CCSER1: variants seen among roughly 807,000 people sequenced by gnomAD.
The protein encoded by CCSER1 is serine-rich coiled-coil domain-containing protein 1.
Under a neutral mutation model 82.0 loss-of-function variants are expected in CCSER1, and 41 were observed. That is an observed-to-expected ratio of 0.50 (90% confidence interval 0.39 to 0.65). The LOEUF is 0.65. CCSER1 is among the 30% of genes least tolerant of loss of function. CCSER1 has a pLI of 0.00. For missense variants in CCSER1, 1,119 were observed against 1,064.2 expected, an observed-to-expected ratio of 1.05 and a Z score of -0.72; for synonymous variants, 414 against 383.9, an observed-to-expected ratio of 1.08 and a Z score of -0.92.
chr4:90,720,361 T>G (rs1000645920), intron 6 of CCSER1, among the ~76,000 whole-genome samples: 3 of 151,954 alleles, frequency 2.0e-5, no homozygotes, highest in African/African-American at 7.2e-5. Flanking sequence ...TTAATAAAAT[T>G]ACCACATTTT....
intron 6 of CCSER1, among the ~76,000 whole-genome samples, chr4:90,656,468 G>T (rs986726949): frequency 2.6e-5 from 4 of 151,470 alleles, no homozygotes; most frequent in African/African-American, 9.7e-5. Flanking sequence ...TATTGCTTGT[G>T]CTAGTTTCTG....
At chr4:90,809,721 AT>A (rs1758000160) in intron 7 of CCSER1, among the ~76,000 whole-genome samples, 1 of 141,300 alleles carries the variant, frequency 7.1e-6, no homozygotes, top group Non-Finnish European at 1.5e-5. Context: ...AATTAAAAAA[AT>A]AATAAGGTAA....
chr4:90,368,810 CAA>C (rs1746798184), intron 3 of CCSER1, among the ~76,000 whole-genome samples: 1 of 151,258 alleles, frequency 6.6e-6, no homozygotes, highest in Admixed American at 6.6e-5. Flanking sequence ...AAATGACAAC[CAA>C]AAAGTCTTTT....
intron 10 of CCSER1, among the ~76,000 whole-genome samples, chr4:91,345,217 C>T (rs1747973981): frequency 6.6e-6 from 1 of 152,080 alleles, no homozygotes; most frequent in Non-Finnish European, 1.5e-5. Flanking sequence ...TATGACGAAA[C>T]CCTGTCTCTA....
At chr4:91,155,675 T>G (rs1426255762) in intron 10 of CCSER1, among the ~76,000 whole-genome samples, 2 of 151,956 alleles carry the variant, frequency 1.3e-5, no homozygotes, top group Non-Finnish European at 2.9e-5. Flanking sequence ...CTTCACATAT[T>G]TGAAAATACA....
At chr4:90,986,292 A>G (rs1736574321) in intron 9 of CCSER1, among the ~76,000 whole-genome samples, 1 of 151,750 alleles carries the variant, frequency 6.6e-6, no homozygotes, top group Non-Finnish European at 1.5e-5. Context: ...CATATTCAAA[A>G]CTAGCTTGAC....
intron 6 of CCSER1, among the ~76,000 whole-genome samples, chr4:90,661,573 G>A (rs993589512): frequency 4.6e-5 from 7 of 152,184 alleles, no homozygotes; most frequent in East Asian, 1.9e-4. Context: ...TTTAACTATA[G>A]TGTGAGATGA....
intron 10 of CCSER1, among the ~76,000 whole-genome samples, chr4:91,134,586 G>A (rs1312896574): frequency 6.6e-6 from 1 of 152,030 alleles, no homozygotes; most frequent in Middle Eastern, 3.2e-3. Context: ...CAAATATTAG[G>A]CAAATAAATG....
chr4:91,507,533 A>G (rs1303511222), intron 10 of CCSER1, among the ~76,000 whole-genome samples: 2 of 151,906 alleles, frequency 1.3e-5, no homozygotes, highest in Non-Finnish European at 2.9e-5. Flanking sequence ...GGTTCACGCC[A>G]TTCTCCTGCC....
At chr4:91,542,278 G>T (rs887470278) in intron 10 of CCSER1, among the ~76,000 whole-genome samples, 1 of 152,106 alleles carries the variant, frequency 6.6e-6, no homozygotes, top group African/African-American at 2.4e-5. Flanking sequence ...ATTGCTTTTG[G>T]TGTTTTAGTC....
intron 3 of CCSER1, among the ~76,000 whole-genome samples, chr4:90,348,592 T>A (rs969167924): frequency 1.7e-4 from 26 of 152,282 alleles, no homozygotes; most frequent in African/African-American, 6.3e-4. Context: ...TTCATCTCAA[T>A]AAAAATTACT....
At chr4:91,598,282 TTTAC>T (rs1764674779) in intron 10 of CCSER1, among the ~76,000 whole-genome samples, 3 of 152,146 alleles carry the variant, frequency 2.0e-5, no homozygotes, top group Admixed American at 1.3e-4. Context: ...TAAATCACCT[TTTAC>T]TTAATAAAAT....
intron 10 of CCSER1, among the ~76,000 whole-genome samples, chr4:91,395,647 A>C (rs1751931932): frequency 6.6e-6 from 1 of 152,068 alleles, no homozygotes; most frequent in Non-Finnish European, 1.5e-5. Flanking sequence ...TCTAGGAGAA[A>C]AAGTGAGAAT....
At chr4:91,118,642 T>C (rs1338502813) in intron 10 of CCSER1, among the ~76,000 whole-genome samples, 1 of 152,174 alleles carries the variant, frequency 6.6e-6, no homozygotes, top group African/African-American at 2.4e-5. Flanking sequence ...GAAGAGAAAG[T>C]AAGCTTTTAT....
rs183318761 is a variant in CCSER1 at position 91,318,177 on chromosome 4, T to C, written c.2217+232183T>C. 4.5e-4 allele frequency among the ~76,000 whole-genome samples: 68 copies of C among 152,080 alleles called. 1 individual carries two copies. The East Asian group carries it at 7.2e-3, about 16-fold the overall frequency. The stretch of plus-strand genomic sequence containing the variant: ...GAGGGGCACAACCTTAGCTGCAATA[T>C]ACTGAGTAAACAAAGAAAGGACTCC... On this transcript the variant is annotated intron_variant, in intron 10 of 10. Transcript: ENST00000509176.
chr4:91,352,063 GATAAA>G (rs1748506570), intron 10 of CCSER1, among the ~76,000 whole-genome samples: 1 of 152,048 alleles, frequency 6.6e-6, no homozygotes, highest in Non-Finnish European at 1.5e-5. Flanking sequence ...GATTGCAAGT[GATAAA>G]ATAAAAAGAG....
intron 5 of CCSER1, among the ~76,000 whole-genome samples, chr4:90,486,337 C>G (rs761363851): frequency 6.6e-6 from 1 of 152,206 alleles, no homozygotes; most frequent in African/African-American, 2.4e-5. Context: ...AAAGTCCTGA[C>G]ATGGACTGCT....
At chr4:90,657,516 T>C (rs1056009152) in intron 6 of CCSER1, among the ~76,000 whole-genome samples, 1 of 152,188 alleles carries the variant, frequency 6.6e-6, no homozygotes, top group African/African-American at 2.4e-5. Context: ...TGCATATATT[T>C]TGATGTTACA....
At chr4:91,159,690 A>C (rs191335212) in intron 10 of CCSER1, among the ~76,000 whole-genome samples, 27 of 152,070 alleles carry the variant, frequency 1.8e-4, no homozygotes, top group African/African-American at 5.5e-4. Flanking sequence ...ATTTTTAAAA[A>C]TTAGAATCAG....
Sources: gnomAD v4.1 joint callset for allele counts (sites outside exome capture counted in the v4.1 genomes callset) on GRCh38, gnomAD v4.1.1 for gene constraint, MANE v1.5 for transcripts, NCBI Gene and HGNC (gene_info 2026-07-23, HGNC 2026-07-21) for gene names.